The following SLIT2 variants were observed in gnomAD, a reference collection of about 807,000 sequenced individuals.
The protein encoded by SLIT2 is slit guidance ligand 2, also known as slit homolog 2 protein.
Under a neutral mutation model 185.7 loss-of-function variants are expected in SLIT2, and 41 were observed. The observed-to-expected ratio is 0.22, with a 90% confidence interval of 0.17 to 0.29. The LOEUF (loss-of-function observed/expected upper bound fraction) is 0.29, where lower values mean the gene tolerates loss of function less well. Among genes scored for constraint, SLIT2 ranks in the 10% least tolerant of loss-of-function variants. The pLI, the probability that SLIT2 is intolerant of heterozygous loss-of-function variation, is 1.00. For missense variants in SLIT2, 1,571 were observed against 1,909.0 expected, an observed-to-expected ratio of 0.82 and a Z score of 3.30; for synonymous variants, 693 against 680.2, an observed-to-expected ratio of 1.02 and a Z score of -0.29.
At chr4:20,434,312 C>A (rs755187780) in intron 4 of SLIT2, among the ~76,000 whole-genome samples, 7 of 145,322 alleles carry the variant, frequency 4.8e-5, no homozygotes, top group African/African-American at 1.5e-4. Context: ...ACATGGAGAA[C>A]CCTATCTCTA....
At chr4:20,545,881 TAAA>T (rs1333335516) in intron 21 of SLIT2, 147 bp from the exon 22 acceptor site, 11 of 427,892 alleles carry the variant, frequency 2.6e-5, no homozygotes, top group Non-Finnish European at 4.6e-5. Flanking sequence ...TTACTTCTCT[TAAA>T]TAATAATCCA....
intron 30 of SLIT2, among the ~76,000 whole-genome samples, chr4:20,589,990 C>CTG (rs1727377242): frequency 6.7e-6 from 1 of 149,038 alleles, no homozygotes; most frequent in Non-Finnish European, 1.5e-5. Context: ...ACTACAACCT[C>CTG]CTCCTCCCAG....
chr4:20,332,186 G>A (rs1375242075), intron 4 of SLIT2, among the ~76,000 whole-genome samples: 1 of 152,054 alleles, frequency 6.6e-6, no homozygotes, highest in Non-Finnish European at 1.5e-5. Flanking sequence ...TCATATATAT[G>A]TGTGTTTGTA....
intron 4 of SLIT2, among the ~76,000 whole-genome samples, chr4:20,347,820 A>G (rs889413750): frequency 2.0e-5 from 3 of 152,228 alleles, no homozygotes; most frequent in African/African-American, 7.2e-5. Context: ...AATGAAGAGA[A>G]GTAAAGCTCA....
intron 4 of SLIT2, among the ~76,000 whole-genome samples, chr4:20,390,109 A>C (rs1001498767): frequency 6.6e-6 from 1 of 152,076 alleles, no homozygotes; most frequent in African/African-American, 2.4e-5. Flanking sequence ...GAATGTGTAC[A>C]TGTAACTCCA....
intron 4 of SLIT2, among the ~76,000 whole-genome samples, chr4:20,316,024 TCCACAATAAAGTCACCTCCCTCTG>T (rs1718544799): frequency 6.6e-6 from 1 of 152,008 alleles, no homozygotes; most frequent in Non-Finnish European, 1.5e-5. Context: ...ATAGTAATAC[TCCACAATAAAGTCACCTCCCTCTG>T]GCCTCCTCCC....
In SLIT2 at chr4:20,510,950, T is replaced by C. The variant is rs1719644150; in HGVS notation, c.987-116T>C. 6 of 620,392 alleles carry C rather than the reference T, an allele frequency of 9.7e-6. No homozygotes were observed. The East Asian group carries it at 1.6e-4, about 16-fold the overall frequency. The allele number at this position is 620,392 out of a possible 1,614,324, so 38.4% of individuals were successfully genotyped here. ...CCTTCAGATGTTCAATGTTGCACGT[T>C]TTGGACATGTCTTGATAAGTACAAA... is the stretch of plus-strand genomic sequence containing the variant. On this transcript the variant is annotated intron_variant, in intron 10 of 36. Transcript: ENST00000504154.
At chr4:20,353,519 A>G (rs941036387) in intron 4 of SLIT2, among the ~76,000 whole-genome samples, 12 of 152,134 alleles carry the variant, frequency 7.9e-5, no homozygotes, top group African/African-American at 2.9e-4. Flanking sequence ...AATGAAGAAT[A>G]TTTATTTAAA....
intron 6 of SLIT2, among the ~76,000 whole-genome samples, chr4:20,482,239 A>G (rs940903484): frequency 3.9e-5 from 6 of 152,014 alleles, no homozygotes; most frequent in Non-Finnish European, 7.4e-5. Flanking sequence ...AACTAGAAAT[A>G]TGAATGATAC....
intron 1 of SLIT2, among the ~76,000 whole-genome samples, chr4:20,255,594 T>A (rs1283182457): frequency 6.6e-6 from 1 of 151,590 alleles, no homozygotes; most frequent in Non-Finnish European, 1.5e-5. Flanking sequence ...TTAGCACTTG[T>A]CATTTCATGC....
intron 4 of SLIT2, among the ~76,000 whole-genome samples, chr4:20,315,277 C>T (rs748893992): frequency 1.7e-4 from 26 of 152,100 alleles, no homozygotes; most frequent in East Asian, 3.8e-4. Flanking sequence ...AGAACAAGGA[C>T]TGCAAAACGT....
At position 20,253,223 on chromosome 4, in the gene SLIT2, G is replaced by C. The variant is rs1257294824; in HGVS notation, c.-593G>C. On this transcript the variant is annotated 5_prime_UTR_variant, in exon 1 of 37. Transcript: ENST00000504154. ...CAGAGCCGTGCGCCCCCAGAACTGC[G>C]CGTCCGCCCCGTGCACCCCCGCGCG... is the stretch of plus-strand genomic sequence containing the variant. 1 of 154,548 alleles carries C rather than the reference G, an allele frequency of 6.5e-6. No individual in the cohort carries two copies. Among genetic ancestry groups the C allele is most frequent in the African/African-American group, 2.4e-5 (1 of 41,470 alleles). The allele number at this position is 154,548 out of a possible 1,614,324, so 9.6% of individuals were successfully genotyped here. A position where few individuals can be genotyped will look rare whatever the true frequency, so the allele number is the denominator to read the frequency against.
chr4:20,368,504 T>C (rs1361654065), intron 4 of SLIT2, among the ~76,000 whole-genome samples: 1 of 152,074 alleles, frequency 6.6e-6, no homozygotes, highest in Non-Finnish European at 1.5e-5. Flanking sequence ...TTCTATATTG[T>C]TAACACCTAA....
chr4:20,453,839 G>A (rs1187303984), intron 4 of SLIT2, among the ~76,000 whole-genome samples: 1 of 152,132 alleles, frequency 6.6e-6, no homozygotes, highest in Non-Finnish European at 1.5e-5. Flanking sequence ...CATGAGGTAG[G>A]CAGTTTTATT....
chr4:20,613,436 A>G (rs189561987), intron 34 of SLIT2, among the ~76,000 whole-genome samples: 145 of 152,324 alleles, frequency 9.5e-4, no homozygotes, highest in Middle Eastern at 3.4e-3. Flanking sequence ...TTTCTCACCT[A>G]TAAGTGGGAG....
intron 4 of SLIT2, among the ~76,000 whole-genome samples, chr4:20,455,290 A>G (rs1577688872): frequency 6.6e-6 from 1 of 152,282 alleles, no homozygotes; most frequent in Non-Finnish European, 1.5e-5. Flanking sequence ...GAAGAACAAT[A>G]TAATCTAATG....
intron 4 of SLIT2, among the ~76,000 whole-genome samples, chr4:20,388,820 TATATATA>T (rs932327145): frequency 2.0e-4 from 28 of 143,534 alleles, no homozygotes; most frequent in Non-Finnish European, 3.3e-4. Flanking sequence ...ATATGTAAAA[TATATATA>T]ATATATAATA....
intron 4 of SLIT2, among the ~76,000 whole-genome samples, chr4:20,308,706 T>G (rs1717803712): frequency 1.3e-5 from 2 of 152,160 alleles, no homozygotes; most frequent in Non-Finnish European, 2.9e-5. Context: ...ATACCCTTAA[T>G]TTTTGTACAT....
At chr4:20,560,614 A>C (rs1724616075) in intron 26 of SLIT2, among the ~76,000 whole-genome samples, 1 of 151,984 alleles carries the variant, frequency 6.6e-6, no homozygotes. Flanking sequence ...GTCAGTGTGG[A>C]AAGTGGAACA....
Sources: allele counts gnomAD v4.1 joint callset (sites outside exome capture counted in the v4.1 genomes callset), GRCh38; gene constraint gnomAD v4.1.1; transcripts MANE v1.5; gene names NCBI Gene and HGNC (gene_info 2026-07-23, HGNC 2026-07-21).